Variants in SMAP2 observed in about 807,000 individuals in gnomAD.
SMAP2 encodes small ArfGAP2.
SMAP2 carries 25 observed loss-of-function variants against 56.4 expected under a neutral mutation model. The ratio of observed to expected loss-of-function variants is 0.44; its 90% confidence interval spans 0.32 to 0.62. The LOEUF (loss-of-function observed/expected upper bound fraction) is 0.62, where lower values mean the gene tolerates loss of function less well. Ranked by LOEUF, SMAP2 falls within the 20% of genes least tolerant of loss-of-function variation. SMAP2 has a pLI of 0.04. For missense variants in SMAP2, 388 were observed against 545.6 expected (o/e 0.71, Z 2.88); for synonymous variants, 157 against 181.7 (o/e 0.86, Z 1.09).
Position 40,408,784 on chromosome 1 carries a change from C to T in SMAP2, c.323+46C>T. On this transcript the variant is annotated intron_variant, in intron 3 of 9. Coordinates refer to ENST00000372718, the MANE Select transcript of SMAP2 (RefSeq NM_022733.3). The surrounding 1 kb of genome is among the most constrained non-coding windows in gnomAD (Gnocchi z 4.3). ...TAGAAGGCTGAGTGGTATTTTGATG[C>T]TTGGGGAGAGTCAGACAAGACTCCA... 1.3e-6 allele frequency: 2 copies of T among 1,486,582 alleles called. No individual in the cohort carries two copies. Among genetic ancestry groups the T allele is most frequent in the Non-Finnish European group, 1.9e-6 (2 of 1,064,578 alleles). The allele number at this position is 1,486,582 out of a possible 1,614,324, so 92.1% of individuals were successfully genotyped here.
chr1:40,355,191 C>A (rs1025713689), intron 1 of SMAP2, among the ~76,000 whole-genome samples: 3 of 152,078 alleles, frequency 2.0e-5, no homozygotes, highest in Non-Finnish European at 4.4e-5. Context: ...TAGAAACTGA[C>A]CAGAGTTCTA....
intron 9 of SMAP2, among the ~76,000 whole-genome samples, chr1:40,420,576 T>C (rs1569934447): frequency 6.6e-6 from 1 of 152,336 alleles, no homozygotes; most frequent in East Asian, 1.9e-4. Context: ...AGAAATGCCC[T>C]TCAGATTATT....
chr1:40,413,156 G>C (rs1201940322), intron 5 of SMAP2, 54 bp downstream of exon 5: 1 of 1,401,760 alleles, frequency 7.1e-7, no homozygotes, highest in South Asian at 1.2e-5. Context: ...GTGTATATTT[G>C]TGAAAGGGAA....
At chr1:40,345,694 G>C (rs1248633196) in intron 1 of SMAP2, among the ~76,000 whole-genome samples, 3 of 151,146 alleles carry the variant, frequency 2.0e-5, no homozygotes, top group East Asian at 3.9e-4. Context: ...TTTATTTCCT[G>C]ATCAGCATAT....
intron 1 of SMAP2, among the ~76,000 whole-genome samples, chr1:40,376,019 C>T (rs148524468): frequency 0.037 from 5,574 of 152,142 alleles, 336 homozygotes; most frequent in African/African-American, 0.13. Context: ...GGTGCAATCT[C>T]GGCTCACTGC....
At chr1:40,353,914 G>T (rs1229406626) in intron 1 of SMAP2, among the ~76,000 whole-genome samples, 1 of 151,914 alleles carries the variant, frequency 6.6e-6, no homozygotes, top group African/African-American at 2.4e-5. Flanking sequence ...CTAACAAGTT[G>T]CCAGGTGACA....
At position 40,374,610 on chromosome 1, in the gene SMAP2, T is replaced by TGC; in HGVS notation, c.103+388_103+389insCG. 1.4e-6 allele frequency: 2 copies of TGC among 1,395,072 alleles called. No homozygotes were observed. The highest frequency in any genetic ancestry group is 2.0e-6 in the Non-Finnish European group (2 of 1,008,460). The allele number at this position is 1,395,072 out of a possible 1,614,324, so 86.4% of individuals were successfully genotyped here. On this transcript the variant is annotated intron_variant, in intron 1 of 9. Coordinates refer to ENST00000372718, the MANE Select transcript of SMAP2 (RefSeq NM_022733.3). This position sits in a 1 kb window ranked among gnomAD's most constrained non-coding sequence, Gnocchi z 5.9. ...GTGCGTGCGTGCGTGTGTGTGTGTGTGTGTGTGTGTGTGTGAGAGAGAGAG... is the reference window on the plus strand; with the variant it reads ...GTGCGTGCGTGCGTGTGTGTGTGTGTGCGTGTGTGTGTGTGTGAGAGAGAGAG...
rs1198226914 is a variant in SMAP2, at chr1:40,354,859, C to T, written c.-82-7441C>T. Reference sequence around the variant, plus strand: ...TGGCGTGATCTCGGCCCTTAGCTCACTCCAACCTCCACCTCCCGGGTTCAA... The same window carrying T: ...TGGCGTGATCTCGGCCCTTAGCTCATTCCAACCTCCACCTCCCGGGTTCAA... On this transcript the variant is annotated intron_variant, in intron 1 of 6. Coordinates refer to the SMAP2 transcript ENST00000435168. Among the ~76,000 whole-genome samples the T allele has an allele frequency of 1.8e-4, 24 of 135,006 alleles. No individual in the cohort carries two copies. The Admixed American group carries it at 2.0e-3, about 11-fold the overall frequency. 88.6% of individuals were successfully genotyped at this position (135,006 alleles called of 152,430 possible). A position where few individuals can be genotyped will look rare whatever the true frequency, so the allele number is the denominator to read the frequency against.
intron 1 of SMAP2, among the ~76,000 whole-genome samples, chr1:40,375,370 A>C (rs1203871593): frequency 6.6e-6 from 1 of 152,188 alleles, no homozygotes; most frequent in Non-Finnish European, 1.5e-5. Flanking sequence ...AGATTCAGTT[A>C]TATTCGTATT....
chr1:40,402,221 G>A (rs984557693), intron 1 of SMAP2, among the ~76,000 whole-genome samples: 7 of 152,108 alleles, frequency 4.6e-5, no homozygotes, highest in Admixed American at 4.6e-4. Context: ...CATAATAGAT[G>A]TACATGTTTT....
intron 1 of SMAP2, among the ~76,000 whole-genome samples, chr1:40,346,665 T>A (rs968188565): frequency 1.3e-5 from 2 of 151,790 alleles, no homozygotes; most frequent in Non-Finnish European, 2.9e-5. Flanking sequence ...CCACTGCACA[T>A]AACCAAAAGT....
chr1:40,406,906 A>G, intron 2 of SMAP2, 37 bp downstream of exon 2: 2 of 1,572,984 alleles, frequency 1.3e-6, no homozygotes, highest in Non-Finnish European at 1.7e-6. Flanking sequence ...GCTTCCATAT[A>G]TCTATGTAAA....
chr1:40,355,660 T>C (rs1225660625), intron 1 of SMAP2, among the ~76,000 whole-genome samples: 1 of 152,152 alleles, frequency 6.6e-6, no homozygotes, highest in African/African-American at 2.4e-5. Context: ...CTCACTTTGT[T>C]GCCCAGGCTG....
At chr1:40,372,836 A>G (rs1644505893), upstream of SMAP2, among the ~76,000 whole-genome samples, 1 of 152,340 alleles carries the variant, frequency 6.6e-6, no homozygotes, top group South Asian at 2.1e-4. Flanking sequence ...CCCCTAGTAC[A>G]GTGCCTGATA....
intron 1 of SMAP2, among the ~76,000 whole-genome samples, chr1:40,347,707 G>T (rs889848164): frequency 6.6e-6 from 1 of 152,024 alleles, no homozygotes; most frequent in Non-Finnish European, 1.5e-5. Flanking sequence ...TTGTTGGAGG[G>T]TATTTTTATT....
intron 1 of SMAP2, among the ~76,000 whole-genome samples, chr1:40,353,060 C>G (rs1250617656): frequency 6.6e-6 from 1 of 152,190 alleles, no homozygotes; most frequent in Non-Finnish European, 1.5e-5. Context: ...ACAGCCATGT[C>G]CAGCACCCAT....
chr1:40,359,369 C>A (rs1644449914), intron 1 of SMAP2, among the ~76,000 whole-genome samples: 1 of 152,198 alleles, frequency 6.6e-6, no homozygotes, highest in South Asian at 2.1e-4. Flanking sequence ...TCCCAAAGTG[C>A]TGGGATTACA....
At chr1:40,419,280 CTT>C (rs35237067) in intron 9 of SMAP2, among the ~76,000 whole-genome samples, 2,804 of 121,798 alleles carry the variant, frequency 0.023, 87 homozygotes, top group African/African-American at 0.077. Flanking sequence ...TTCTTCCTTT[CTT>C]TTTTTTTTTT....
At chr1:40,380,530 T>TTTTTTC (rs1553189856) in intron 1 of SMAP2, among the ~76,000 whole-genome samples, 1 of 1,294 alleles carries the variant, frequency 7.7e-4, no homozygotes, top group African/African-American at 8.9e-3. Context: ...TCTGTGGCAC[T>TTTTTTC]TTTTTTTTTT....
Sources: allele counts gnomAD v4.1 joint callset (sites outside exome capture counted in the v4.1 genomes callset), GRCh38; gene constraint gnomAD v4.1.1; non-coding constraint Gnocchi (gnomAD v3.1); transcripts MANE v1.5; gene names NCBI Gene and HGNC (gene_info 2026-07-23, HGNC 2026-07-21).